KDM2A: variants seen among roughly 807,000 people sequenced by gnomAD.
KDM2A encodes lysine-specific demethylase 2A.
Under a neutral mutation model 137.3 loss-of-function variants are expected in KDM2A, and 3 were observed. The observed-to-expected ratio is 0.02, with a 90% confidence interval of 0.01 to 0.06. The LOEUF (loss-of-function observed/expected upper bound fraction) is 0.06, where lower values mean the gene tolerates loss of function less well. KDM2A is among the 10% of genes least tolerant of loss of function. The pLI is 1.00. For synonymous variants in KDM2A, 512 were observed against 541.5 expected (o/e 0.95, Z 0.76); for missense variants, 738 against 1,510.6 (o/e 0.49, Z 8.48).
chr11:67,240,315 G>C (rs1332842600), intron 12 of KDM2A: 2 of 1,535,578 alleles, frequency 1.3e-6, no homozygotes, highest in Admixed American at 3.9e-5. Context: ...AAACAAAGAC[G>C]CTGGGGAAAC....
chr11:67,229,423 A>G lies in KDM2A; in HGVS notation c.1084+1260A>G, dbSNP rs371528444. On this transcript the variant is annotated intron_variant, in intron 11 of 20. Transcript: ENST00000529006. ...CAGTGTAGTTTCAGTATACATTTTT[A>G]GACTCTTATATGTCTGAAACTGGTG... Among the ~76,000 whole-genome samples, 76 of 152,340 alleles carry G rather than the reference A, an allele frequency of 5.0e-4. 3 individuals carry two copies. The South Asian group carries it at 0.016, about 31-fold the overall frequency.
intron 12 of KDM2A, 86 bp from the exon 13 acceptor site, chr11:67,242,923 T>C: frequency 1.0e-6 from 1 of 997,940 alleles, no homozygotes; most frequent in South Asian, 1.3e-5. Flanking sequence ...TCAAGGGTAC[T>C]GAGGCAGAGT....
Position 67,204,047 on chromosome 11 carries a change from C to G in KDM2A, c.308-3463C>G, listed in dbSNP as rs575836110. Among the ~76,000 whole-genome samples, 10 of 152,092 alleles carry G rather than the reference C, an allele frequency of 6.6e-5. No individual in the cohort carries two copies. The South Asian group carries it at 1.9e-3, about 28-fold the overall frequency. ...AACTCCTGACCTCAAGTGATCTGCC[C>G]GCCTCGGCCTCCCAAAGTGCTGAGA... On this transcript the variant is annotated intron_variant, in intron 5 of 20. Transcript: ENST00000529006.
chr11:67,168,606 C>CACAG (rs1856805462), intron 2 of KDM2A, among the ~76,000 whole-genome samples: 1 of 100,202 alleles, frequency 1.0e-5, no homozygotes, highest in Non-Finnish European at 1.7e-5. Flanking sequence ...CACACACACA[C>CACAG]ACACACACAC....
chr11:67,121,258 G>A lies in KDM2A; in HGVS notation c.-59G>A. The A allele has an allele frequency of 7.4e-7, 1 of 1,357,770 alleles. No homozygotes were observed. The highest frequency in any genetic ancestry group is 1.1e-6 in the Non-Finnish European group (1 of 949,650). The allele number at this position is 1,357,770 out of a possible 1,614,324, so 84.1% of individuals were successfully genotyped here. On this transcript the variant is annotated 5_prime_UTR_variant, in exon 2 of 21. Transcript: ENST00000529006. ...GTGTTGCAATCTGGTTCCTAAGGAGGAAGAGGAAGGCAGCCCTGGAGTGGT... is the reference window on the plus strand; with the variant it reads ...GTGTTGCAATCTGGTTCCTAAGGAGAAAGAGGAAGGCAGCCCTGGAGTGGT...
chr11:67,137,506 A>G (rs1590712411), intron 2 of KDM2A, among the ~76,000 whole-genome samples: 1 of 152,204 alleles, frequency 6.6e-6, no homozygotes, highest in African/African-American at 2.4e-5. Flanking sequence ...AGAACTATAT[A>G]TGAAATAGAA....
At chr11:67,127,948 G>A (rs537033306) in intron 2 of KDM2A, among the ~76,000 whole-genome samples, 16 of 148,976 alleles carry the variant, frequency 1.1e-4, no homozygotes, top group Admixed American at 3.4e-4. Flanking sequence ...TCAGGCAGGC[G>A]ATCTGCCTGC....
rs575458226 is a variant in KDM2A, at chr11:67,229,788, T to A, written c.1084+1625T>A. On this transcript the variant is annotated intron_variant, in intron 11 of 20. Transcript: ENST00000529006. Reference sequence around the variant, plus strand: ...GGGAGGCTGTGGCAGGAGAATCACTTGAACCCGGGAGGTGGAGGTTGCAGT... The same window carrying A: ...GGGAGGCTGTGGCAGGAGAATCACTAGAACCCGGGAGGTGGAGGTTGCAGT... Among the ~76,000 whole-genome samples, 10 of 151,814 alleles carry A rather than the reference T, an allele frequency of 6.6e-5. No individual in the cohort carries two copies. In the South Asian group the frequency reaches 1.9e-3, roughly 29 times the overall value.
intron 2 of KDM2A, among the ~76,000 whole-genome samples, chr11:67,142,541 C>G (rs1051143396): frequency 2.0e-4 from 20 of 100,344 alleles, no homozygotes; most frequent in Non-Finnish European, 1.9e-4. Flanking sequence ...ATCCCAGCTA[C>G]TGGTGAAGTT....
chr11:67,165,388 C>G (rs1235706096), intron 2 of KDM2A, among the ~76,000 whole-genome samples: 6 of 152,136 alleles, frequency 3.9e-5, no homozygotes, highest in Non-Finnish European at 7.4e-5. Context: ...TCCCAAAGTG[C>G]TGGGATTACA....
intron 18 of KDM2A, 22 bp from the exon 19 acceptor site, chr11:67,253,429 CAT>C: frequency 6.2e-7 from 1 of 1,605,930 alleles, no homozygotes; most frequent in Non-Finnish European, 8.5e-7. Flanking sequence ...TGTATTATTA[CAT>C]GTCTCATTCC....
At position 67,121,308 on chromosome 11, in the gene KDM2A, G is replaced by A; in HGVS notation, c.-9G>A. On this transcript the variant is annotated 5_prime_UTR_variant, in exon 2 of 21. Coordinates refer to ENST00000529006, the MANE Select transcript of KDM2A (RefSeq NM_012308.3). ...TTTCTTTACAGTAATTTCAACAGAA[G>A]AGTGAGAGATGGAACCCGAAGAAGA... 6.2e-7 allele frequency: 1 copy of A among 1,613,596 alleles called. No homozygotes were observed. Among genetic ancestry groups the A allele is most frequent in the Non-Finnish European group, 8.5e-7 (1 of 1,179,582 alleles).
chr11:67,132,563 A>T (rs938609888), intron 2 of KDM2A, among the ~76,000 whole-genome samples: 1 of 152,192 alleles, frequency 6.6e-6, no homozygotes, highest in Non-Finnish European at 1.5e-5. Context: ...CTGGGATTAT[A>T]GGCATGAGCC....
At chr11:67,160,942 A>AAAAT (rs1281026316) in intron 2 of KDM2A, among the ~76,000 whole-genome samples, 4 of 152,336 alleles carry the variant, frequency 2.6e-5, no homozygotes, top group African/African-American at 9.6e-5. Flanking sequence ...CCTGTCTCTA[A>AAAAT]AAATAAATAA....
intron 2 of KDM2A, among the ~76,000 whole-genome samples, chr11:67,147,517 G>A (rs1856280345): frequency 6.6e-6 from 1 of 150,866 alleles, no homozygotes; most frequent in African/African-American, 2.4e-5. Context: ...ACTCCAGCCT[G>A]GGCGACAGAG....
intron 3 of KDM2A, among the ~76,000 whole-genome samples, chr11:67,180,765 A>T (rs928248645): frequency 1.3e-5 from 2 of 150,828 alleles, no homozygotes; most frequent in African/African-American, 4.9e-5. Context: ...CAATTCTCCT[A>T]CCTCAGCCTC....
rs760763015 is a variant in KDM2A at position 67,250,595 on chromosome 11, AGAG to A, written c.2574_2576del (p.Glu866del). On this transcript the variant is annotated inframe_deletion, in exon 17 of 21. Transcript: ENST00000529006. This position sits in a 1 kb window ranked among gnomAD's most constrained non-coding sequence, Gnocchi z 7.1. ...GTGGGGATGAGGAGGGGCTGGGGGG[AGAG>A]GAGGAGGAAGAGGAGGAGGAGGAGG... 2.7e-5 allele frequency: 44 copies of A among 1,611,234 alleles called. No individual in the cohort carries two copies. Among genetic ancestry groups the A allele is most frequent in the East Asian group, 4.5e-5 (2 of 44,796 alleles).
intron 8 of KDM2A, 31 bp downstream of exon 8, chr11:67,215,980 T>A (rs371558822): frequency 1.1e-4 from 168 of 1,562,930 alleles, no homozygotes; most frequent in Middle Eastern, 3.3e-4. Context: ...GGGGTTGGAA[T>A]CTGAAGTTGG....
intron 10 of KDM2A, among the ~76,000 whole-genome samples, chr11:67,224,985 G>A (rs934180476): frequency 6.6e-6 from 1 of 151,648 alleles, no homozygotes; most frequent in Admixed American, 6.6e-5. Flanking sequence ...GGGATTACAG[G>A]TATGCACCAC....
Sources: allele counts gnomAD v4.1 joint callset (sites outside exome capture counted in the v4.1 genomes callset), GRCh38; gene constraint gnomAD v4.1.1; non-coding constraint Gnocchi (gnomAD v3.1); transcripts MANE v1.5; gene names NCBI Gene and HGNC (gene_info 2026-07-23, HGNC 2026-07-21).